ZZEF1: variants seen among roughly 807,000 people sequenced by gnomAD.
ZZEF1 encodes zinc finger ZZ-type and EF-hand domain-containing protein 1.
ZZEF1 carries 157 observed loss-of-function variants against 342.8 expected under a neutral mutation model. The ratio of observed to expected loss-of-function variants is 0.46; its 90% CI spans 0.40 to 0.52. The LOEUF is 0.52. Ranked by LOEUF, ZZEF1 falls within the 20% of genes least tolerant of loss-of-function variation. The pLI, the probability that ZZEF1 is intolerant of heterozygous loss-of-function variation, is 0.00. For synonymous variants in ZZEF1, 1,505 were observed against 1,429.1 expected, an observed-to-expected ratio of 1.05 and a Z score of -1.20; for missense variants, 3,480 against 3,725.6, an observed-to-expected ratio of 0.93 and a Z score of 1.72.
intron 26 of ZZEF1, among the ~76,000 whole-genome samples, chr17:4,068,183 T>A (rs923285190): frequency 3.3e-5 from 5 of 152,156 alleles, no homozygotes; most frequent in African/African-American, 1.2e-4. Flanking sequence ...AGAAAAACAT[T>A]CATAAAGGTT....
chr17:4,052,305 G>A (rs1030934530), intron 34 of ZZEF1, among the ~76,000 whole-genome samples, 169 bp from the exon 35 acceptor site: 1 of 152,200 alleles, frequency 6.6e-6, no homozygotes, highest in Non-Finnish European at 1.5e-5. Flanking sequence ...GGTGGCTCAA[G>A]GCATATGAAT....
intron 30 of ZZEF1, 37 bp from the exon 31 acceptor site, chr17:4,059,327 C>T: frequency 1.3e-6 from 2 of 1,578,554 alleles, no homozygotes; most frequent in South Asian, 1.2e-5. Context: ...ACTTAATTGC[C>T]AGAACATCTT....
Position 4,039,031 on chromosome 17 carries a change from A to G in ZZEF1, c.6306+3398T>C, listed in dbSNP as rs76545806. ...ATCAAACTAATAATTTGCCCTCCAA[A>G]GTGCCTGCTAAAAAAAAAAGATTAT... is the stretch of plus-strand genomic sequence containing the variant. On this transcript the variant is annotated intron_variant, in intron 39 of 54. Coordinates refer to ENST00000381638, the MANE Select transcript of ZZEF1 (RefSeq NM_015113.4). Among the ~76,000 whole-genome samples, 947 of 150,738 alleles carry G rather than the reference A, an allele frequency of 6.3e-3. 12 individuals carry two copies. Among genetic ancestry groups the G allele is most frequent in the African/African-American group, 0.022 (902 of 41,034 alleles).
At chr17:4,047,244 T>A (rs549342561) in intron 37 of ZZEF1, among the ~76,000 whole-genome samples, 93 of 152,086 alleles carry the variant, frequency 6.1e-4, no homozygotes, top group Non-Finnish European at 1.1e-3. Context: ...TCTTTCTCTA[T>A]CAAAAATTAA....
chr17:4,078,827 T>C (rs796759970), intron 18 of ZZEF1, among the ~76,000 whole-genome samples: 7 of 152,388 alleles, frequency 4.6e-5, no homozygotes, highest in Admixed American at 1.3e-4. Context: ...TGGATATTTG[T>C]TGAATTTGAT....
Position 4,044,350 on chromosome 17 carries a change from T to C in ZZEF1, c.6040A>G (p.Ile2014Val), listed in dbSNP as rs781831. The C allele has an allele frequency of 0.43, 687,439 of 1,611,638 alleles. 153,982 individuals carry two copies. The highest frequency in any genetic ancestry group is 0.79 in the African/African-American group (59,284 of 74,886). ...CTCTGCTTGAAATCTACAGGTCTGA[T>C]TTCCTCATGAACAGCTCTCTTTCCC... ...GNGKRAVHEE[I>V]RPVDFKQRNK... Residue 2014 changes from isoleucine (I) to valine (V), a missense_variant, in exon 38 of 55, where the codon ATC becomes GTC. This residue lies in a region of ZZEF1 where 1,269 missense variants were observed against 1,342.4 expected (regional missense o/e 0.95). Transcript: ENST00000381638.
chr17:4,097,159 G>A (rs1228706516), intron 9 of ZZEF1, among the ~76,000 whole-genome samples: 4 of 151,722 alleles, frequency 2.6e-5, no homozygotes, highest in Admixed American at 6.6e-5. Flanking sequence ...TACTCGGGAG[G>A]CTGAGACAGG....
intron 49 of ZZEF1, among the ~76,000 whole-genome samples, chr17:4,015,404 GCCTTCCACTCA>G (rs2056072912): frequency 6.6e-6 from 1 of 152,256 alleles, no homozygotes; most frequent in Non-Finnish European, 1.5e-5. Flanking sequence ...TGCTGCAGGT[GCCTTCCACTCA>G]GAAGTAGATG....
intron 1 of ZZEF1, 116 bp downstream of exon 1, chr17:4,142,426 G>C (rs1275648435): frequency 2.7e-6 from 3 of 1,115,100 alleles, no homozygotes; most frequent in African/African-American, 3.2e-5. Flanking sequence ...TGAAAAGCTG[G>C]AAACACCTCA....
chr17:4,101,721 G>A (rs2058129713), intron 9 of ZZEF1, among the ~76,000 whole-genome samples: 1 of 152,090 alleles, frequency 6.6e-6, no homozygotes, highest in African/African-American at 2.4e-5. Flanking sequence ...CAACCTCCCG[G>A]GTTCAAGTGA....
chr17:4,128,150 A>G (rs1356191975), intron 1 of ZZEF1, among the ~76,000 whole-genome samples: 2 of 152,126 alleles, frequency 1.3e-5, no homozygotes, highest in Non-Finnish European at 2.9e-5. Flanking sequence ...ATTTGAGACC[A>G]GCCTGCCCAA....
chr17:4,028,627 A>T (rs1360664887), intron 42 of ZZEF1, among the ~76,000 whole-genome samples: 1 of 152,214 alleles, frequency 6.6e-6, no homozygotes, highest in African/African-American at 2.4e-5. Flanking sequence ...ACATCAATTA[A>T]AAGACAGGGA....
Position 4,142,884 on chromosome 17 carries a change from A to G in ZZEF1, c.12T>C (p.Ala4=), listed in dbSNP as rs767834166. 1.0e-4 allele frequency: 138 copies of G among 1,364,176 alleles called. No homozygotes were observed. The highest frequency in any genetic ancestry group is 1.3e-4 in the Non-Finnish European group (134 of 1,067,954). 84.5% of individuals were successfully genotyped at this position (1,364,176 alleles called of 1,614,324 possible). ...CTTCGTCTTCACTGCTGTGACTCGG[A>G]GCGTTCCCCATGGGGTCTCCGTCTT... The part of the protein sequence containing the change: MGN[A]PSHSSEDEAA... The change falls in exon 1 of 55, where the codon GCT becomes GCC. Residue 4 remains alanine, a synonymous_variant. Coordinates refer to ENST00000381638, the MANE Select transcript of ZZEF1 (RefSeq NM_015113.4).
intron 31 of ZZEF1, 36 bp downstream of exon 31, chr17:4,059,135 T>C (rs945530511): frequency 5.0e-6 from 7 of 1,403,232 alleles, no homozygotes; most frequent in Non-Finnish European, 6.4e-6. Flanking sequence ...AAAAAATACA[T>C]TTTTTTTCTC....
At chr17:4,010,102 T>A (rs544131658) in intron 52 of ZZEF1, among the ~76,000 whole-genome samples, 1 of 151,700 alleles carries the variant, frequency 6.6e-6, no homozygotes, top group South Asian at 2.1e-4. Flanking sequence ...GGTGGGAGGA[T>A]CACTTCAGCC....
Position 4,142,962 on chromosome 17 carries a change from C to T in ZZEF1, c.-67G>A, listed in dbSNP as rs562000574. The T allele has an allele frequency of 2.3e-6, 3 of 1,280,834 alleles. No individual in the cohort carries two copies. The highest frequency in any genetic ancestry group is 3.1e-5 in the African/African-American group (2 of 64,666). 79.3% of individuals were successfully genotyped at this position (1,280,834 alleles called of 1,614,324 possible). On this transcript the variant is annotated 5_prime_UTR_variant, in exon 1 of 55. Coordinates refer to ENST00000381638, the MANE Select transcript of ZZEF1 (RefSeq NM_015113.4). ...CCGCCTCCCCGCCTCGACCTGTCAA[C>T]CTCCGACAGCAGCTGGCGGGCGGGG... is the stretch of plus-strand genomic sequence containing the variant.
At position 4,024,954 on chromosome 17, in the gene ZZEF1, A is replaced by G; in HGVS notation, c.7057T>C (p.Ser2353Pro). The change falls in exon 43 of 55, where the codon TCC becomes CCC. Residue 2353 changes from serine (S) to proline (P), a missense_variant. Physicochemically the swap from Ser to Pro is moderately conservative, Grantham distance 74. This residue lies in a region of ZZEF1 where 1,269 missense variants were observed against 1,342.4 expected (regional missense o/e 0.95). Coordinates refer to ENST00000381638, the MANE Select transcript of ZZEF1 (RefSeq NM_015113.4). ...PEAVEATWVL[S>P]LALKGLYKTL... is the part of the protein sequence containing the mutation. ...TTATACAATCCTTTCAGGGCCAGGGACAGGACCCAAGTTGCTTCTACTGCC... is the reference window on the plus strand; with the variant it reads ...TTATACAATCCTTTCAGGGCCAGGGGCAGGACCCAAGTTGCTTCTACTGCC... 1 of 1,614,188 alleles carries G rather than the reference A, an allele frequency of 6.2e-7. No homozygotes were observed. Among genetic ancestry groups the G allele is most frequent in the East Asian group, 2.2e-5 (1 of 44,880 alleles).
At chr17:4,055,414 C>T (rs1471981137) in intron 33 of ZZEF1, among the ~76,000 whole-genome samples, 2 of 152,186 alleles carry the variant, frequency 1.3e-5, no homozygotes, top group African/African-American at 4.8e-5. Context: ...CATGTGGTAG[C>T]GATGGATTTA....
chr17:4,134,529 C>T lies in ZZEF1; in HGVS notation c.354+8013G>A, dbSNP rs549679248. 7.2e-5 allele frequency among the ~76,000 whole-genome samples: 11 copies of T among 151,914 alleles called. No homozygotes were observed. The East Asian group carries it at 9.7e-4, about 13-fold the overall frequency. On this transcript the variant is annotated intron_variant, in intron 1 of 54. Coordinates refer to ENST00000381638, the MANE Select transcript of ZZEF1 (RefSeq NM_015113.4). Reference sequence around the variant, plus strand: ...TGTAATAGGTGTGACAATTACGATACGAGAACTAAGAGTATAAACTATTTA... The same window carrying T: ...TGTAATAGGTGTGACAATTACGATATGAGAACTAAGAGTATAAACTATTTA...
Sources: gnomAD v4.1 joint callset for allele counts (sites outside exome capture counted in the v4.1 genomes callset) on GRCh38, gnomAD v4.1.1 for gene constraint, gnomAD v4.1.1 regional missense constraint, MANE v1.5 for transcripts, NCBI Gene and HGNC (gene_info 2026-07-23, HGNC 2026-07-21) for gene names.